The following COL14A1 variants were observed in gnomAD, a reference collection of about 807,000 sequenced individuals.
COL14A1 encodes the protein collagen alpha-1(XIV) chain.
Under a neutral mutation model 230.3 loss-of-function variants are expected in COL14A1, and 136 were observed. The observed-to-expected ratio is 0.59, with a 90% CI of 0.51 to 0.68. The LOEUF (loss-of-function observed/expected upper bound fraction) is 0.68. Among genes scored for constraint, COL14A1 ranks in the 30% least tolerant of loss-of-function variants. The probability of loss-of-function intolerance (pLI) is 0.00; values close to 1 mark genes in which losing one functional copy is unlikely to be tolerated. For missense variants in COL14A1, 1,976 were observed against 2,215.8 expected, an observed-to-expected ratio of 0.89 and a Z score of 2.17; for synonymous variants, 792 against 784.1, an observed-to-expected ratio of 1.01 and a Z score of -0.17.
chr8:120,225,357 C>T (rs1177467789), intron 15 of COL14A1, 143 bp downstream of exon 15: 28 of 696,304 alleles, frequency 4.0e-5, no homozygotes, highest in Non-Finnish European at 5.8e-5. Flanking sequence ...AAAAAATAAA[C>T]AATTGGATGA....
intron 5 of COL14A1, among the ~76,000 whole-genome samples, chr8:120,181,182 A>G (rs541277038): frequency 6.6e-6 from 1 of 152,346 alleles, no homozygotes; most frequent in African/African-American, 2.4e-5. Flanking sequence ...ATCTGGATTG[A>G]GAATGGAATT....
intron 1 of COL14A1, among the ~76,000 whole-genome samples, chr8:120,142,047 TA>T (rs1409847993): frequency 1.3e-5 from 2 of 152,162 alleles, no homozygotes; most frequent in Admixed American, 6.5e-5. Flanking sequence ...ATGTCTAATG[TA>T]AGTCTCCTGA....
chr8:120,358,627 C>G (rs1352631367), intron 45 of COL14A1, among the ~76,000 whole-genome samples: 1 of 150,836 alleles, frequency 6.6e-6, no homozygotes, highest in Non-Finnish European at 1.5e-5. Context: ...GGCAAGTTTT[C>G]TAAGAAGGAG....
chr8:120,152,614 C>T (rs1815328182), intron 2 of COL14A1, among the ~76,000 whole-genome samples: 1 of 151,990 alleles, frequency 6.6e-6, no homozygotes, highest in Non-Finnish European at 1.5e-5. Flanking sequence ...TGTGAACCTA[C>T]ATTGGCTCAA....
chr8:120,224,414 G>A (rs1818031876), intron 14 of COL14A1, among the ~76,000 whole-genome samples: 1 of 152,098 alleles, frequency 6.6e-6, no homozygotes, highest in Non-Finnish European at 1.5e-5. Flanking sequence ...GTACTGCGGG[G>A]GATCATTTGG....
At chr8:120,217,587 G>A (rs1357493684) in intron 14 of COL14A1, among the ~76,000 whole-genome samples, 1 of 152,140 alleles carries the variant, frequency 6.6e-6, no homozygotes, top group Non-Finnish European at 1.5e-5. Flanking sequence ...ATTGTGTAAT[G>A]GACGGGCAGT....
intron 19 of COL14A1, among the ~76,000 whole-genome samples, chr8:120,238,048 C>G (rs12546577): frequency 0.092 from 14,055 of 152,082 alleles, 1,267 homozygotes; most frequent in East Asian, 0.4. Flanking sequence ...AAGTGTCTGT[C>G]GACTCCTGGT....
At chr8:120,146,977 A>C (rs1032433842) in intron 1 of COL14A1, among the ~76,000 whole-genome samples, 1 of 152,020 alleles carries the variant, frequency 6.6e-6, no homozygotes, top group African/African-American at 2.4e-5. Context: ...TTTTAAATTA[A>C]TACAGAACAT....
chr8:120,232,213 G>A (rs2130819913), intron 19 of COL14A1: 1 of 152,036 alleles, frequency 6.6e-6, no homozygotes, highest in African/African-American at 2.4e-5. Context: ...AGTTTTCTTT[G>A]AGTTGTTTTA....
chr8:120,240,458 C>T lies in COL14A1; in HGVS notation c.2350-3421C>T, dbSNP rs550199203. The stretch of plus-strand genomic sequence containing the variant: ...TGAAACTAAGGTGGACAGGCAGATG[C>T]ACATCTCTATTAAAGTCTGAGGGTC... On this transcript the variant is annotated intron_variant, in intron 19 of 47. Coordinates refer to ENST00000297848, the MANE Select transcript of COL14A1 (RefSeq NM_021110.4). Among the ~76,000 whole-genome samples, 31 of 152,234 alleles carry T rather than the reference C, an allele frequency of 2.0e-4. 1 individual carries two copies. The South Asian group carries it at 6.4e-3, about 32-fold the overall frequency.
intron 25 of COL14A1, among the ~76,000 whole-genome samples, chr8:120,268,690 A>C (rs927716046): frequency 4.0e-5 from 6 of 151,756 alleles, no homozygotes; most frequent in Admixed American, 3.9e-4. Flanking sequence ...AACGAACATT[A>C]AAACGTAGAA....
intron 9 of COL14A1, among the ~76,000 whole-genome samples, chr8:120,205,590 G>A (rs907732394): frequency 6.6e-6 from 1 of 152,112 alleles, no homozygotes; most frequent in Non-Finnish European, 1.5e-5. Context: ...TGTAACCAGT[G>A]TGAAATGGTT....
At chr8:120,191,010 A>G (rs561506207) in intron 5 of COL14A1, among the ~76,000 whole-genome samples, 17 of 145,104 alleles carry the variant, frequency 1.2e-4, no homozygotes, top group East Asian at 1.0e-3. Context: ...TGGATTCATT[A>G]ATTTTTTGAA....
intron 45 of COL14A1, among the ~76,000 whole-genome samples, chr8:120,360,658 A>G (rs926966579): frequency 1.3e-5 from 2 of 152,158 alleles, no homozygotes; most frequent in African/African-American, 4.8e-5. Flanking sequence ...GTGCTCTCAT[A>G]TTCTGCTGTA....
chr8:120,230,648 CAA>C (rs1426657852), intron 18 of COL14A1, among the ~76,000 whole-genome samples: 1 of 152,112 alleles, frequency 6.6e-6, no homozygotes, highest in African/African-American at 2.4e-5. Flanking sequence ...AGGTAAATGT[CAA>C]CCCCCTCCTC....
intron 40 of COL14A1, among the ~76,000 whole-genome samples, chr8:120,323,496 CTA>C (rs1821537061): frequency 6.6e-6 from 1 of 152,130 alleles, no homozygotes; most frequent in Admixed American, 6.6e-5. Context: ...TTGCCCGCTC[CTA>C]TGTCCTGAAT....
chr8:120,276,934 G>A (rs1290624273), intron 26 of COL14A1, among the ~76,000 whole-genome samples: 2 of 152,158 alleles, frequency 1.3e-5, no homozygotes, highest in African/African-American at 4.8e-5. Flanking sequence ...TGAATTGCAG[G>A]AGACTTTATA....
At chr8:120,290,397 C>CA (rs11313437) in intron 34 of COL14A1, among the ~76,000 whole-genome samples, 6 of 151,674 alleles carry the variant, frequency 4.0e-5, no homozygotes, top group African/African-American at 1.2e-4. Flanking sequence ...TCATTACCCA[C>CA]AAAAAAAAGA....
chr8:120,234,743 A>G (rs1440168354), intron 19 of COL14A1, among the ~76,000 whole-genome samples: 5 of 152,196 alleles, frequency 3.3e-5, no homozygotes, highest in Non-Finnish European at 2.9e-5. Context: ...TTTCGCATCA[A>G]TGTTCATCCA....
Sources: gnomAD v4.1 joint callset for allele counts (sites outside exome capture counted in the v4.1 genomes callset) on GRCh38, gnomAD v4.1.1 for gene constraint, MANE v1.5 for transcripts, NCBI Gene and HGNC (gene_info 2026-07-23, HGNC 2026-07-21) for gene names.